GALNTL6: variants seen among roughly 807,000 people sequenced by gnomAD.
GALNTL6 encodes the protein polypeptide N-acetylgalactosaminyltransferase like 6.
Under a neutral mutation model 73.7 loss-of-function variants are expected in GALNTL6, and 46 were observed. The observed-to-expected ratio is 0.62, with a 90% CI of 0.49 to 0.80. GALNTL6 has a LOEUF of 0.80. Ranked by LOEUF, GALNTL6 falls within the 30% of genes least tolerant of loss-of-function variation. The pLI is 0.00. For synonymous variants in GALNTL6, 259 were observed against 263.7 expected (o/e 0.98, Z 0.17); for missense variants, 604 against 755.0 (o/e 0.80, Z 2.34).
chr4:172,271,392 CACAT>C (rs1329540290), intron 3 of GALNTL6, among the ~76,000 whole-genome samples: 7 of 152,212 alleles, frequency 4.6e-5, no homozygotes, highest in Non-Finnish European at 8.8e-5. Flanking sequence ...CATACATACA[CACAT>C]ACATATGGAT....
At chr4:172,601,163 A>G (rs142364362) in intron 5 of GALNTL6, among the ~76,000 whole-genome samples, 13 of 152,304 alleles carry the variant, frequency 8.5e-5, no homozygotes, top group Non-Finnish European at 1.5e-4. Context: ...AAATATTTGA[A>G]ATAAAAACTC....
intron 5 of GALNTL6, among the ~76,000 whole-genome samples, chr4:172,739,332 A>G (rs772386742): frequency 1.6e-4 from 24 of 152,306 alleles, no homozygotes; most frequent in Non-Finnish European, 3.1e-4. Context: ...ACTCACTGTG[A>G]AACCTCAGGT....
At chr4:173,035,421 G>A (rs1459918310) in intron 12 of GALNTL6, among the ~76,000 whole-genome samples, 3 of 152,034 alleles carry the variant, frequency 2.0e-5, no homozygotes, top group Non-Finnish European at 4.4e-5. Context: ...CAGGTGATCC[G>A]CCCGCCTTGG....
At chr4:172,341,450 CAAAAAAA>C (rs4048503) in intron 4 of GALNTL6, among the ~76,000 whole-genome samples, 1 of 118,022 alleles carries the variant, frequency 8.5e-6, no homozygotes, top group African/African-American at 4.0e-5. Context: ...GACTCCGTCT[CAAAAAAA>C]AAAAAAAAAA....
At chr4:172,939,586 A>T (rs1388016854) in intron 9 of GALNTL6, among the ~76,000 whole-genome samples, 1 of 152,236 alleles carries the variant, frequency 6.6e-6, no homozygotes, top group Non-Finnish European at 1.5e-5. Flanking sequence ...TGCCAGGCAG[A>T]AATGCACACA....
chr4:172,676,675 G>A (rs1397099523), intron 5 of GALNTL6, among the ~76,000 whole-genome samples: 1 of 152,146 alleles, frequency 6.6e-6, no homozygotes, highest in East Asian at 1.9e-4. Flanking sequence ...AAACTGATGG[G>A]CATTCCTCAG....
intron 8 of GALNTL6, among the ~76,000 whole-genome samples, chr4:172,915,296 G>A (rs902111531): frequency 6.6e-6 from 1 of 152,104 alleles, no homozygotes; most frequent in Non-Finnish European, 1.5e-5. Context: ...GAGAAAGCAG[G>A]AAAGATGTAA....
chr4:172,907,618 C>T (rs1746971772), intron 8 of GALNTL6, among the ~76,000 whole-genome samples: 1 of 152,216 alleles, frequency 6.6e-6, no homozygotes. Context: ...AAATGGATGC[C>T]TGAAACCATG....
At chr4:172,570,811 A>C (rs945872158) in intron 5 of GALNTL6, among the ~76,000 whole-genome samples, 1 of 151,950 alleles carries the variant, frequency 6.6e-6, no homozygotes, top group Non-Finnish European at 1.5e-5. Flanking sequence ...AATCAGTGGG[A>C]GCCCTGAGGT....
At chr4:172,663,890 AC>A (rs1249545912) in intron 5 of GALNTL6, among the ~76,000 whole-genome samples, 1 of 151,508 alleles carries the variant, frequency 6.6e-6, no homozygotes, top group African/African-American at 2.4e-5. Flanking sequence ...AGATCATGTC[AC>A]TGCACTCCAG....
chr4:171,987,668 G>A (rs996907119), intron 2 of GALNTL6, among the ~76,000 whole-genome samples: 1 of 152,212 alleles, frequency 6.6e-6, no homozygotes, highest in Non-Finnish European at 1.5e-5. Context: ...CTTGAGGATA[G>A]ATTTCCACGA....
intron 2 of GALNTL6, among the ~76,000 whole-genome samples, chr4:172,017,763 C>A (rs1472826875): frequency 6.6e-6 from 1 of 152,052 alleles, no homozygotes; most frequent in African/African-American, 2.4e-5. Context: ...AGCCAGACTG[C>A]AGGATTATTG....
At chr4:172,163,315 T>C (rs1313102615) in intron 2 of GALNTL6, among the ~76,000 whole-genome samples, 1 of 152,042 alleles carries the variant, frequency 6.6e-6, no homozygotes, top group Non-Finnish European at 1.5e-5. Context: ...CATTTTTAGA[T>C]ATACATAGCA....
chr4:172,701,830 A>G (rs1324592757), intron 5 of GALNTL6, among the ~76,000 whole-genome samples: 1 of 152,080 alleles, frequency 6.6e-6, no homozygotes, highest in Non-Finnish European at 1.5e-5. Context: ...CATTTCTCTT[A>G]TGTAAATAAA....
intron 5 of GALNTL6, among the ~76,000 whole-genome samples, chr4:172,632,311 A>C (rs1739431810): frequency 6.6e-6 from 1 of 152,218 alleles, no homozygotes; most frequent in Admixed American, 6.5e-5. Context: ...GGACGGGAAC[A>C]TGTGGGAAAG....
intron 2 of GALNTL6, among the ~76,000 whole-genome samples, chr4:171,966,725 C>T (rs1413901160): frequency 1.3e-5 from 2 of 152,146 alleles, no homozygotes. Flanking sequence ...CTGGTTAAAA[C>T]AAACAGAGCT....
At chr4:171,831,528 T>G in intron 2 of GALNTL6, among the ~76,000 whole-genome samples, 1 of 151,978 alleles carries the variant, frequency 6.6e-6, no homozygotes. Flanking sequence ...ATTCTGACAT[T>G]TCTATCTACT....
At chr4:171,996,723 CAAAAAAA>C (rs35734964) in intron 2 of GALNTL6, among the ~76,000 whole-genome samples, 2,659 of 94,166 alleles carry the variant, frequency 0.028, 89 homozygotes, top group African/African-American at 0.092. Flanking sequence ...AGCTGACGAG[CAAAAAAA>C]AAAAAAAAAA....
intron 5 of GALNTL6, among the ~76,000 whole-genome samples, chr4:172,370,587 C>T (rs58264590): frequency 0.024 from 3,464 of 144,710 alleles, 144 homozygotes; most frequent in African/African-American, 0.084. Context: ...GTCGAGATCA[C>T]GCCACTGCAC....
Sources: allele counts gnomAD v4.1 joint callset (sites outside exome capture counted in the v4.1 genomes callset), GRCh38; gene constraint gnomAD v4.1.1; transcripts MANE v1.5; gene names NCBI Gene and HGNC (gene_info 2026-07-23, HGNC 2026-07-21).